The following ARHGEF10L variants were observed in gnomAD, a reference collection of about 807,000 sequenced individuals.
The protein encoded by ARHGEF10L is rho guanine nucleotide exchange factor 10-like protein.
A neutral mutation model predicts 141.2 loss-of-function variants in ARHGEF10L; 69 were observed. The ratio of observed to expected loss-of-function variants is 0.49; its 90% CI spans 0.40 to 0.60. The LOEUF (loss-of-function observed/expected upper bound fraction) is 0.60. ARHGEF10L is among the 20% of genes least tolerant of loss of function. The probability of loss-of-function intolerance (pLI) is 0.00; values close to 1 mark genes in which losing one functional copy is unlikely to be tolerated. For synonymous variants in ARHGEF10L, 711 were observed against 718.5 expected, an observed-to-expected ratio of 0.99 and a Z score of 0.17; for missense variants, 1,482 against 1,734.3, an observed-to-expected ratio of 0.85 and a Z score of 2.58.
At position 17,602,198 on chromosome 1, in the gene ARHGEF10L, A is replaced by G. The variant is rs1428132054; in HGVS notation, c.329A>G (p.Lys110Arg). Residue 110 changes from lysine (K) to arginine (R), a missense_variant, in exon 5 of 29, where the codon AAG becomes AGG. By Grantham distance (26) the Lys-to-Arg change is conservative. Around this residue, in one of 3 missense-constraint regions of ARHGEF10L, gnomAD observed 232 missense variants for 225.9 expected, o/e 1.03. Transcript: ENST00000361221. ...AFSGARHSSW[K>R]RKSSRRIDRF... is the part of the protein sequence containing the mutation. ...TCCGGGGCCCGGCACTCCAGCTGGA[A>G]GCGGAAGAGTTCCCGTCGCAGTAAG... 2 of 1,577,340 alleles carry G rather than the reference A, an allele frequency of 1.3e-6. No homozygotes were observed. The highest frequency in any genetic ancestry group is 1.7e-6 in the Non-Finnish European group (2 of 1,161,346).
chr1:17,694,891 G>C (rs1315600573), intron 27 of ARHGEF10L: 1 of 638,108 alleles, frequency 1.6e-6, no homozygotes, highest in Non-Finnish European at 2.9e-6. Flanking sequence ...TGTGCCTGTG[G>C]TGTTCCCCCA....
intron 4 of ARHGEF10L, among the ~76,000 whole-genome samples, chr1:17,600,983 G>A (rs1006397986): frequency 6.7e-6 from 1 of 149,900 alleles, no homozygotes; most frequent in African/African-American, 2.5e-5. Flanking sequence ...CCGGGAGGCA[G>A]AGGTTGCAGT....
At chr1:17,662,694 G>A (rs1450956462) in intron 25 of ARHGEF10L, among the ~76,000 whole-genome samples, 1 of 152,040 alleles carries the variant, frequency 6.6e-6, no homozygotes, top group African/African-American at 2.4e-5. Flanking sequence ...GGTATGGTAG[G>A]GAAGGATGGG....
At chr1:17,676,155 T>C (rs539576265) in intron 26 of ARHGEF10L, among the ~76,000 whole-genome samples, 1 of 144,256 alleles carries the variant, frequency 6.9e-6, no homozygotes, top group Admixed American at 6.9e-5. Flanking sequence ...GGTGCAGGTG[T>C]AGGTGCAGGC....
rs2080840676 is a variant in ARHGEF10L, at chr1:17,603,060, G to A, written c.350-448G>A. Among the ~76,000 whole-genome samples the A allele has an allele frequency of 1.3e-5, 2 of 152,086 alleles. No homozygotes were observed. The highest frequency in any genetic ancestry group is 4.2e-4 in the South Asian group (2 of 4,808). ...CAGTGGGTCTCGTGACTTCTTCCTG[G>A]AAGGCCTGTGGGTCAAGGACCGGCT... On this transcript the variant is annotated intron_variant, in intron 5 of 28. Transcript: ENST00000361221. The surrounding 1 kb of genome is among the most constrained non-coding windows in gnomAD (Gnocchi z 4.8).
chr1:17,685,063 C>T (rs188831930), intron 26 of ARHGEF10L, among the ~76,000 whole-genome samples: 54 of 152,278 alleles, frequency 3.5e-4, no homozygotes, highest in Admixed American at 2.9e-3. Context: ...AGTGGGAAAC[C>T]GCTTAGTGAT....
rs1206931557 is a variant in ARHGEF10L at position 17,697,662 on chromosome 1, T to C, written c.*282T>C. On this transcript the variant is annotated 3_prime_UTR_variant, in exon 29 of 29. Coordinates refer to ENST00000361221, the MANE Select transcript of ARHGEF10L (RefSeq NM_018125.4). This position sits in a 1 kb window ranked among gnomAD's most constrained non-coding sequence, Gnocchi z 4.8. ...TCACAACTGCCTGGCAAGCCCAGTA[T>C]CACTTGTTTGGGCCCTAGCGGGACT... The C allele has an allele frequency of 8.5e-6, 5 of 589,770 alleles. No homozygotes were observed. In the East Asian group the frequency reaches 1.5e-4, roughly 18 times the overall value. The allele number at this position is 589,770 out of a possible 1,614,324, so 36.5% of individuals were successfully genotyped here. A position where few individuals can be genotyped will look rare whatever the true frequency, so the allele number is the denominator to read the frequency against.
the ARHGEF10L span, among the ~76,000 whole-genome samples, chr1:17,521,299 C>T: frequency 1.2e-4 from 18 of 152,306 alleles, no homozygotes; most frequent in East Asian, 2.5e-3. Context: ...CAGGCTCAAG[C>T]GATTCTCCTG....
intron 15 of ARHGEF10L, among the ~76,000 whole-genome samples, chr1:17,629,945 C>T (rs982566537): frequency 6.6e-6 from 1 of 152,234 alleles, no homozygotes; most frequent in South Asian, 2.1e-4. Context: ...AGCCGTTCTG[C>T]CCTCTCCTGC....
At chr1:17,593,533 G>A (rs1359795453) in intron 4 of ARHGEF10L, among the ~76,000 whole-genome samples, 1 of 152,144 alleles carries the variant, frequency 6.6e-6, no homozygotes. Context: ...GTGGGAAGAT[G>A]CCACGCTCCT....
chr1:17,640,014 G>A (rs1249237288), intron 20 of ARHGEF10L, 188 bp from the exon 21 acceptor site: 1 of 1,471,896 alleles, frequency 6.8e-7, no homozygotes, highest in Non-Finnish European at 9.0e-7. Flanking sequence ...GTGGGCGGAG[G>A]GATTCCTCCC....
At chr1:17,519,362 C>T in the ARHGEF10L span, among the ~76,000 whole-genome samples, 3 of 151,968 alleles carry the variant, frequency 2.0e-5, no homozygotes, top group African/African-American at 7.3e-5. Flanking sequence ...ATAATCCCAG[C>T]ACTTTGGGAG....
chr1:17,676,991 C>T (rs1031809134), intron 26 of ARHGEF10L, among the ~76,000 whole-genome samples: 7 of 151,968 alleles, frequency 4.6e-5, no homozygotes, highest in Admixed American at 3.3e-4. Flanking sequence ...TGCATCGGGC[C>T]GTAAACAGGA....
Position 17,634,818 on chromosome 1 carries a change from C to T in ARHGEF10L, c.1746-17C>T, listed in dbSNP as rs1475977964. Reference sequence around the variant, plus strand: ...GGCTGCAGCCTCTCCAGGGCCTTGTCCTCTCTGTTCCAACAGGGGCCAGCT... The same window carrying T: ...GGCTGCAGCCTCTCCAGGGCCTTGTTCTCTCTGTTCCAACAGGGGCCAGCT... On this transcript the variant is annotated splice_polypyrimidine_tract_variant and intron_variant, in intron 17 of 28. Coordinates refer to ENST00000361221, the MANE Select transcript of ARHGEF10L (RefSeq NM_018125.4). 5.0e-6 allele frequency: 8 copies of T among 1,605,240 alleles called. No individual in the cohort carries two copies. The highest frequency in any genetic ancestry group is 4.0e-5 in the African/African-American group (3 of 74,728).
Position 17,619,437 on chromosome 1 carries a change from C to T in ARHGEF10L, c.934C>T (p.Pro312Ser). ...ELGPMPEGLS[P>S]QQVVRRHILG... ...GGGCCCCATGCCAGAGGGCCTGAGC[C>T]CTCAGCAGGTCTGTGGGGGAGTGGG... The change falls in exon 10 of 29, where the codon CCT becomes TCT. Residue 312 changes from proline (P) to serine (S), a missense_variant. Transcript: ENST00000361221. The surrounding 1 kb of genome is among the most constrained non-coding windows in gnomAD (Gnocchi z 5.0). The T allele has an allele frequency of 6.2e-7, 1 of 1,606,442 alleles. No individual in the cohort carries two copies. The highest frequency in any genetic ancestry group is 8.5e-7 in the Non-Finnish European group (1 of 1,177,146).
chr1:17,687,604 T>G lies in ARHGEF10L; in HGVS notation c.3041T>G (p.Val1014Gly). The change falls in exon 27 of 29, where the codon GTG (valine) becomes GGG (glycine). Residue 1014 changes from valine to glycine, a missense_variant. Val to Gly is a moderately radical substitution (Grantham distance 109). Transcript: ENST00000361221. Reference sequence around the variant, plus strand: ...TTCGAGGCGCACCAGGACGAGGCAGTGAGCGTGACACACATGGTGAAGGCG... The same window carrying G: ...TTCGAGGCGCACCAGGACGAGGCAGGGAGCGTGACACACATGGTGAAGGCG... ...QSFEAHQDEA[V>G]SVTHMVKAGS... is the part of the protein sequence containing the mutation. The G allele has an allele frequency of 6.2e-7, 1 of 1,613,104 alleles. No homozygotes were observed. Among genetic ancestry groups the G allele is most frequent in the Admixed American group, 1.7e-5 (1 of 60,014 alleles).
intron 28 of ARHGEF10L, among the ~76,000 whole-genome samples, 160 bp from the exon 29 acceptor site, chr1:17,696,688 G>C (rs968509808): frequency 9.2e-5 from 14 of 152,198 alleles, no homozygotes; most frequent in Non-Finnish European, 1.5e-5. Context: ...GCAGGAGCAC[G>C]GGATAGCCAG....
At position 17,603,630 on chromosome 1, in the gene ARHGEF10L, C is replaced by T. The variant is rs776830208; in HGVS notation, c.433+39C>T. ...AGTGCTTCCCTGTTTCTCTTGGGGA[C>T]AGGGGAGGGAGGCTGGGACTGGGGA... is the stretch of plus-strand genomic sequence containing the variant. On this transcript the variant is annotated intron_variant, in intron 6 of 28. Transcript: ENST00000361221. This position sits in a 1 kb window ranked among gnomAD's most constrained non-coding sequence, Gnocchi z 4.8. 2 of 1,546,754 alleles carry T rather than the reference C, an allele frequency of 1.3e-6. No homozygotes were observed. Among genetic ancestry groups the T allele is most frequent in the Non-Finnish European group, 1.8e-6 (2 of 1,138,140 alleles).
At chr1:17,691,040 C>T (rs770078494) in intron 27 of ARHGEF10L, 99 of 426,598 alleles carry the variant, frequency 2.3e-4, no homozygotes, top group Non-Finnish European at 4.0e-4. Context: ...ACTTCCTTCC[C>T]CTGACCCCTT....
Sources: allele counts gnomAD v4.1 joint callset (sites outside exome capture counted in the v4.1 genomes callset), GRCh38; gene constraint gnomAD v4.1.1; regional missense constraint gnomAD v4.1.1; non-coding constraint Gnocchi (gnomAD v3.1); transcripts MANE v1.5; gene names NCBI Gene and HGNC (gene_info 2026-07-23, HGNC 2026-07-21).